KCNK2: variants seen among roughly 807,000 people sequenced by gnomAD.
KCNK2 encodes the protein potassium two pore domain channel subfamily K member 2.
KCNK2 carries 21 observed loss-of-function variants against 40.5 expected under a neutral mutation model. That is an observed-to-expected ratio of 0.52 (90% CI 0.37 to 0.75). KCNK2 has a LOEUF of 0.75. Among genes scored for constraint, KCNK2 ranks in the 30% least tolerant of loss-of-function variants. KCNK2 has a pLI of 0.00. For missense variants in KCNK2, 399 were observed against 531.6 expected (o/e 0.75, Z 2.45); for synonymous variants, 191 against 202.2 (o/e 0.94, Z 0.47).
intron 6 of KCNK2, among the ~76,000 whole-genome samples, chr1:215,224,712 T>A (rs1429418910): frequency 1.3e-5 from 2 of 152,162 alleles, no homozygotes; most frequent in African/African-American, 4.8e-5. Context: ...AATTCAGGAC[T>A]GGCAACTACC....
In KCNK2 at chr1:215,150,649, A is replaced by G. The variant is rs530893141; in HGVS notation, c.476-18550A>G. ...GAATAAATATTTTTCCATTTCACTTAGCACATTTAAGATAATGCTAAAATA... is the reference window on the plus strand; with the variant it reads ...GAATAAATATTTTTCCATTTCACTTGGCACATTTAAGATAATGCTAAAATA... On this transcript the variant is annotated intron_variant, in intron 3 of 6. Coordinates refer to ENST00000444842, the MANE Select transcript of KCNK2 (RefSeq NM_001017425.3). 3.3e-5 allele frequency among the ~76,000 whole-genome samples: 5 copies of G among 152,186 alleles called. No homozygotes were observed. In the East Asian group the frequency reaches 9.6e-4, roughly 29 times the overall value.
chr1:215,098,138 G>A (rs1476642571), intron 2 of KCNK2, among the ~76,000 whole-genome samples: 1 of 151,838 alleles, frequency 6.6e-6, no homozygotes, highest in Non-Finnish European at 1.5e-5. Context: ...TTGCCTATTT[G>A]AGTTGTCCTT....
chr1:215,183,131 A>G (rs538467540), intron 5 of KCNK2, among the ~76,000 whole-genome samples: 2 of 152,040 alleles, frequency 1.3e-5, no homozygotes, highest in Non-Finnish European at 2.9e-5. Context: ...TTTATGCACT[A>G]TCTTGCTATT....
upstream of KCNK2, among the ~76,000 whole-genome samples, chr1:215,080,824 A>G (rs947560020): frequency 2.0e-5 from 3 of 152,218 alleles, no homozygotes; most frequent in Admixed American, 1.3e-4. Flanking sequence ...TTTATGTGTC[A>G]ACTTGACTAG....
intron 1 of KCNK2, chr1:215,005,975 TCAA>T (rs1178360118): frequency 6.2e-7 from 1 of 1,603,330 alleles, no homozygotes; most frequent in East Asian, 2.2e-5. Context: ...TTTGCAATAA[TCAA>T]GTACCTTATT....
chr1:215,234,824 C>T lies in KCNK2; in HGVS notation c.964-4C>T. On this transcript the variant is annotated splice_polypyrimidine_tract_variant and splice_region_variant and intron_variant, in intron 6 of 6. Coordinates refer to ENST00000444842, the MANE Select transcript of KCNK2 (RefSeq NM_001017425.3). ...TTTATCTTTTCTCTGCTTGTATGTT[C>T]CAGGTGGGAGAGTTCAGAGCACACG... 1 of 1,600,674 alleles carries T rather than the reference C, an allele frequency of 6.2e-7. No individual in the cohort carries two copies. The highest frequency in any genetic ancestry group is 8.5e-7 in the Non-Finnish European group (1 of 1,169,660).
intron 6 of KCNK2, among the ~76,000 whole-genome samples, chr1:215,227,498 T>G (rs1454171108): frequency 6.6e-6 from 1 of 152,078 alleles, no homozygotes; most frequent in Non-Finnish European, 1.5e-5. Context: ...GGGATGGTAA[T>G]TAGAATTGAG....
chr1:215,079,990 C>T (rs1281751298), upstream of KCNK2, among the ~76,000 whole-genome samples: 2 of 151,914 alleles, frequency 1.3e-5, no homozygotes, highest in Non-Finnish European at 2.9e-5. Flanking sequence ...ATCACTTCTC[C>T]CCCAACCCCC....
chr1:215,032,234 C>G (rs948701926), intron 1 of KCNK2, among the ~76,000 whole-genome samples: 1 of 151,290 alleles, frequency 6.6e-6, no homozygotes, highest in African/African-American at 2.4e-5. Flanking sequence ...ATAGGGAGAC[C>G]CTGTGTCTAC....
chr1:215,222,304 A>G (rs1666214012), intron 6 of KCNK2, among the ~76,000 whole-genome samples: 1 of 152,208 alleles, frequency 6.6e-6, no homozygotes, highest in South Asian at 2.1e-4. Flanking sequence ...TGGATTGTTA[A>G]AGAAACCCCA....
At chr1:215,089,554 G>A (rs1018474840) in intron 2 of KCNK2, among the ~76,000 whole-genome samples, 2 of 152,144 alleles carry the variant, frequency 1.3e-5, no homozygotes, top group South Asian at 4.1e-4. Context: ...TCAGGGTGGG[G>A]TTGGGGAGGT....
chr1:215,089,648 G>GTGT (rs1659608127), intron 2 of KCNK2, among the ~76,000 whole-genome samples: 1 of 152,076 alleles, frequency 6.6e-6, no homozygotes, highest in Admixed American at 6.6e-5. Flanking sequence ...TATGTACTAA[G>GTGT]TGTTGTTTTT....
intron 1 of KCNK2, among the ~76,000 whole-genome samples, chr1:215,047,625 C>T (rs903002495): frequency 4.0e-5 from 6 of 151,828 alleles, no homozygotes; most frequent in African/African-American, 1.5e-4. Context: ...ATGTTTGCTC[C>T]CTCTGTTAGT....
intron 3 of KCNK2, among the ~76,000 whole-genome samples, chr1:215,154,295 C>G (rs560440248): frequency 6.6e-6 from 1 of 152,224 alleles, no homozygotes; most frequent in Middle Eastern, 3.4e-3. Context: ...TTCTGACTGG[C>G]ATGAGATGGT....
intron 1 of KCNK2, among the ~76,000 whole-genome samples, chr1:215,018,019 C>T (rs1371600595): frequency 6.6e-6 from 1 of 151,958 alleles, no homozygotes; most frequent in South Asian, 2.1e-4. Context: ...AAGTAGTCTG[C>T]AAATAATTAG....
At chr1:215,174,784 A>G (rs1488682236) in intron 5 of KCNK2, among the ~76,000 whole-genome samples, 1 of 152,160 alleles carries the variant, frequency 6.6e-6, no homozygotes, top group East Asian at 1.9e-4. Flanking sequence ...TTATTGGTGT[A>G]TAAGAATGCT....
At chr1:215,023,990 C>T (rs1268517756) in intron 1 of KCNK2, among the ~76,000 whole-genome samples, 1 of 152,140 alleles carries the variant, frequency 6.6e-6, no homozygotes, top group East Asian at 1.9e-4. Flanking sequence ...CTAACCATTG[C>T]CAGGAAAATC....
At chr1:215,147,162 AT>A (rs944757194) in intron 3 of KCNK2, among the ~76,000 whole-genome samples, 1 of 151,922 alleles carries the variant, frequency 6.6e-6, no homozygotes, top group Non-Finnish European at 1.5e-5. Context: ...ATTTTTATTC[AT>A]TTTTTTTCCT....
intron 1 of KCNK2, among the ~76,000 whole-genome samples, chr1:215,007,081 A>ATGTG (rs1241760561): frequency 1.1e-5 from 1 of 94,528 alleles, no homozygotes; most frequent in African/African-American, 3.7e-5. Context: ...GTATATATAT[A>ATGTG]TGTGTGTATA....
Sources: allele counts gnomAD v4.1 joint callset (sites outside exome capture counted in the v4.1 genomes callset), GRCh38; gene constraint gnomAD v4.1.1; transcripts MANE v1.5; gene names NCBI Gene and HGNC (gene_info 2026-07-23, HGNC 2026-07-21).